NHS: variants seen among roughly 807,000 people sequenced by gnomAD.
NHS encodes the protein actin remodeling regulator NHS.
In NHS, 5 loss-of-function variants were observed where a neutral mutation model predicts 72.5. The ratio of observed to expected loss-of-function variants is 0.07; its 90% CI spans 0.04 to 0.14. NHS has a LOEUF of 0.14. Among genes scored for constraint, NHS ranks in the 10% least tolerant of loss-of-function variants. The pLI, the probability that NHS is intolerant of heterozygous loss-of-function variation, is 1.00. For missense variants in NHS, 1,072 were observed against 1,355.7 expected, an observed-to-expected ratio of 0.79 and a Z score of 3.29; for synonymous variants, 464 against 547.7, an observed-to-expected ratio of 0.85 and a Z score of 2.13.
At position 17,376,209 on chromosome X, in the gene NHS, A is replaced by G. The variant is rs2064346316; in HGVS notation, c.452A>G (p.Gln151Arg). 1.7e-6 allele frequency: 2 copies of G among 1,188,576 alleles called. No homozygotes were observed. The highest frequency in any genetic ancestry group is 1.7e-5 in the African/African-American group (1 of 57,618). ...GCCCGGCACGCTTGCAGCCTCTTCC[A>G]GGAGCTCGAGAGCGACATCCAGCTC... ...DVARHACSLF[Q>R]ELESDIQLTH... is the part of the protein sequence containing the mutation. Residue 151 changes from glutamine (Q) to arginine (R), a missense_variant, in exon 1 of 9, where the codon CAG (glutamine) becomes CGG (arginine). Gln to Arg is a conservative substitution (Grantham distance 43). Transcript: ENST00000676302.
At position 17,564,720 on chromosome X, in the gene NHS, G is replaced by A. The variant is rs147001467; in HGVS notation, c.566-123022G>A. ...CCATTTTTTTGTGTATGGCCCTAAC[G>A]GTCAAATACCAGCAATTTCATAGAT... On this transcript the variant is annotated intron_variant, in intron 1 of 8. Transcript: ENST00000676302. 5.4e-3 allele frequency among the ~76,000 whole-genome samples: 608 copies of A among 111,848 alleles called. 5 individuals carry two copies. Among genetic ancestry groups the A allele is most frequent in the African/African-American group, 0.019 (587 of 30,726 alleles).
intron 1 of NHS, among the ~76,000 whole-genome samples, chrX:17,502,402 A>G (rs1215867112): frequency 9.0e-6 from 1 of 111,488 alleles, no homozygotes; most frequent in African/African-American, 3.3e-5. Flanking sequence ...TCCATGCTCT[A>G]GTTAACAAAT....
At chrX:17,731,020 T>C (rs149189239) in intron 8 of NHS, among the ~76,000 whole-genome samples, 1,422 of 110,718 alleles carry the variant, frequency 0.013, 30 homozygotes, top group African/African-American at 0.044. Flanking sequence ...ATATCCATCA[T>C]CCAGGATTAT....
chrX:17,659,189 A>T (rs1467642690), intron 1 of NHS, among the ~76,000 whole-genome samples: 3 of 111,995 alleles, frequency 2.7e-5, no homozygotes, highest in African/African-American at 9.7e-5. Flanking sequence ...ACATGGCCAC[A>T]TCTAACTGCA....
At chrX:17,458,354 G>A (rs941681723) in intron 1 of NHS, among the ~76,000 whole-genome samples, 5 of 111,395 alleles carry the variant, frequency 4.5e-5, no homozygotes, top group Admixed American at 3.8e-4. Context: ...TCAGCCTGCT[G>A]AGTAGCTGAG....
rs1204370796 is a variant in NHS, at chrX:17,719,389, A to G, written c.898A>G (p.Thr300Ala). 1 of 1,164,937 alleles carries G rather than the reference A, an allele frequency of 8.6e-7. No individual in the cohort carries two copies. Among genetic ancestry groups the G allele is most frequent in the Admixed American group, 2.6e-5 (1 of 38,616 alleles). ...CTCCCCCACTGAATGTTGCCACATG[A>G]CCCCGTGGAGTAGAAAGGTATTGGT... The part of the protein sequence containing the change: ...SPSPTECCHM[T>A]PWSRKSHPPE... Residue 300 changes from threonine (T) to alanine (A), a missense_variant, in exon 4 of 9, where the codon ACC (threonine) becomes GCC (alanine). Physicochemically the swap from Thr to Ala is moderately conservative, Grantham distance 58 (BLOSUM62 0). Transcript: ENST00000676302.
At chrX:17,441,594 C>T (rs2064754262) in intron 1 of NHS, among the ~76,000 whole-genome samples, 1 of 111,762 alleles carries the variant, frequency 8.9e-6, no homozygotes, top group South Asian at 3.8e-4. Flanking sequence ...CTGCCCTGTA[C>T]TGTATCATGG....
At chrX:17,385,831 G>T (rs1952256344) in intron 1 of NHS, among the ~76,000 whole-genome samples, 1 of 112,222 alleles carries the variant, frequency 8.9e-6, no homozygotes, top group Non-Finnish European at 1.9e-5. Context: ...AGATATCTGT[G>T]CCTACATCCT....
chrX:17,620,255 T>C (rs905991531), intron 1 of NHS, among the ~76,000 whole-genome samples: 2 of 112,001 alleles, frequency 1.8e-5, no homozygotes, highest in Non-Finnish European at 3.8e-5. Context: ...GAATCTATTT[T>C]CAGGTTTTGT....
chrX:17,733,338 A>G lies in NHS; in HGVS notation c.*874A>G, dbSNP rs1569322747. ...TCAGTGAGAGAAGTCATCATTCTCAACACAAAGCCCTGAACAACAGCATTT... is the reference window on the plus strand; with the variant it reads ...TCAGTGAGAGAAGTCATCATTCTCAGCACAAAGCCCTGAACAACAGCATTT... On this transcript the variant is annotated 3_prime_UTR_variant, in exon 9 of 9. Transcript: ENST00000676302. 1.8e-5 allele frequency: 2 copies of G among 112,060 alleles called. No homozygotes were observed. Among genetic ancestry groups the G allele is most frequent in the Non-Finnish European group, 3.8e-5 (2 of 53,164 alleles). 9.2% of individuals were successfully genotyped at this position (112,060 alleles called of 1,213,427 possible). A position where few individuals can be genotyped will look rare whatever the true frequency, so the allele number is the denominator to read the frequency against.
At chrX:17,574,566 T>G (rs1297667099) in intron 1 of NHS, among the ~76,000 whole-genome samples, 1 of 111,720 alleles carries the variant, frequency 9.0e-6, no homozygotes, top group East Asian at 2.8e-4. Flanking sequence ...AGCGCAGTAT[T>G]TGGGCTGAAG....
At chrX:17,646,267 A>G (rs2065905478) in intron 1 of NHS, among the ~76,000 whole-genome samples, 1 of 111,770 alleles carries the variant, frequency 8.9e-6, no homozygotes, top group South Asian at 3.8e-4. Context: ...GAAGTGAATT[A>G]CTCTGAACCA....
intron 1 of NHS, among the ~76,000 whole-genome samples, chrX:17,681,083 G>C (rs951334467): frequency 8.9e-6 from 1 of 112,028 alleles, no homozygotes; most frequent in African/African-American, 3.2e-5. Context: ...GAGGTCACAG[G>C]CTCCCCAGTT....
At chrX:17,515,209 G>C (rs1251931582) in intron 1 of NHS, among the ~76,000 whole-genome samples, 1 of 112,063 alleles carries the variant, frequency 8.9e-6, no homozygotes, top group African/African-American at 3.2e-5. Context: ...GGCAGTGCCT[G>C]TATGACCCTT....
chrX:17,467,945 A>G lies in NHS; in HGVS notation c.565+91623A>G, dbSNP rs1203459712. ...TTAGACCCTCTCCATGAGAAAGAAC[A>G]AATTTGTGGATTTGAACACATGATT... On this transcript the variant is annotated intron_variant, in intron 1 of 8. Transcript: ENST00000676302. Among the ~76,000 whole-genome samples the G allele has an allele frequency of 2.7e-5, 3 of 112,215 alleles. No individual in the cohort carries two copies. The Admixed American group carries it at 2.8e-4, about 11-fold the overall frequency.
intron 1 of NHS, among the ~76,000 whole-genome samples, chrX:17,510,465 C>T (rs1326918094): frequency 8.9e-6 from 1 of 112,243 alleles, no homozygotes; most frequent in Non-Finnish European, 1.9e-5. Context: ...TAAGATGTCA[C>T]GTGAAGATGA....
chrX:17,604,454 G>A (rs2065669101), intron 1 of NHS, among the ~76,000 whole-genome samples: 1 of 112,311 alleles, frequency 8.9e-6, no homozygotes, highest in Admixed American at 9.5e-5. Flanking sequence ...TTGGGATTGG[G>A]TTCTATAAAA....
At chrX:17,540,734 G>C (rs1464213378) in intron 1 of NHS, among the ~76,000 whole-genome samples, 1 of 112,396 alleles carries the variant, frequency 8.9e-6, no homozygotes, top group Non-Finnish European at 1.9e-5. Context: ...TTTCCCAAGA[G>C]TCTTTAAATA....
chrX:17,722,136 C>T (rs993524327), intron 5 of NHS, among the ~76,000 whole-genome samples: 2 of 112,001 alleles, frequency 1.8e-5, no homozygotes, highest in African/African-American at 6.5e-5. Context: ...GAGATGAAGG[C>T]TGAATTCTAT....
Sources: allele counts gnomAD v4.1 joint callset (sites outside exome capture counted in the v4.1 genomes callset), GRCh38; gene constraint gnomAD v4.1.1; transcripts MANE v1.5; gene names NCBI Gene and HGNC (gene_info 2026-07-23, HGNC 2026-07-21).